The following MKLN1 variants were observed in gnomAD, a reference collection of about 807,000 sequenced individuals.
MKLN1 encodes the protein muskelin 1.
In MKLN1, 18 loss-of-function variants were observed where a neutral mutation model predicts 99.0. The ratio of observed to expected loss-of-function variants is 0.18; its 90% CI spans 0.13 to 0.27. The LOEUF is 0.27. Ranked by LOEUF, MKLN1 falls within the 10% of genes least tolerant of loss-of-function variation. MKLN1 has a pLI of 1.00. For missense variants in MKLN1, 621 were observed against 875.9 expected (o/e 0.71, Z 3.67); for synonymous variants, 288 against 293.2 (o/e 0.98, Z 0.18).
intron 2 of MKLN1, among the ~76,000 whole-genome samples, chr7:131,149,130 C>G (rs1011592386): frequency 1.3e-5 from 2 of 152,066 alleles, no homozygotes; most frequent in Non-Finnish European, 2.9e-5. Context: ...TTTGTTTTGC[C>G]ATTTATGGAG....
chr7:131,347,637 A>G (rs978422955), intron 1 of MKLN1, among the ~76,000 whole-genome samples: 2 of 152,208 alleles, frequency 1.3e-5, no homozygotes, highest in East Asian at 1.9e-4. Context: ...AAAAGAGTGA[A>G]TTTAGAGGTG....
chr7:131,324,018 A>G (rs1798835566), upstream of MKLN1: 3 of 152,206 alleles, frequency 2.0e-5, no homozygotes, highest in Non-Finnish European at 4.4e-5. Flanking sequence ...CCTAACTGCC[A>G]GTTCTTTCAC....
At chr7:131,456,380 T>C (rs1006442962) in intron 12 of MKLN1, among the ~76,000 whole-genome samples, 3 of 152,176 alleles carry the variant, frequency 2.0e-5, no homozygotes, top group African/African-American at 7.2e-5. Flanking sequence ...TTCCCCAGAA[T>C]CAACCCAGAG....
intron 3 of MKLN1, among the ~76,000 whole-genome samples, chr7:131,301,646 C>A (rs1798378701): frequency 6.6e-6 from 1 of 152,106 alleles, no homozygotes; most frequent in South Asian, 2.1e-4. Context: ...TAGCTCAGTT[C>A]ATTCCTTGTC....
intron 15 of MKLN1, among the ~76,000 whole-genome samples, chr7:131,468,107 G>A (rs1443209651): frequency 6.6e-6 from 1 of 152,198 alleles, no homozygotes; most frequent in African/African-American, 2.4e-5. Flanking sequence ...AAGAGATCAA[G>A]AAGGCATCTT....
At chr7:131,390,198 AG>A (rs1268741141) in intron 4 of MKLN1, among the ~76,000 whole-genome samples, 1 of 152,216 alleles carries the variant, frequency 6.6e-6, no homozygotes, top group Non-Finnish European at 1.5e-5. Flanking sequence ...ATTGGATTCC[AG>A]TATGTCACTT....
intron 5 of MKLN1, 107 bp from the exon 6 acceptor site, chr7:131,399,134 G>A (rs1206224634): frequency 1.1e-6 from 1 of 949,572 alleles, no homozygotes; most frequent in East Asian, 2.5e-5. Context: ...GGCACATAGT[G>A]TTAATAAATG....
At chr7:131,434,074 T>G (rs2116455669) in intron 9 of MKLN1, among the ~76,000 whole-genome samples, 1 of 152,072 alleles carries the variant, frequency 6.6e-6, no homozygotes, top group South Asian at 2.1e-4. Flanking sequence ...TTAGTAGAGA[T>G]GAGGTTTCAC....
In MKLN1 at chr7:131,399,255, A is replaced by G; in HGVS notation, c.525A>G (p.Glu175=). The G allele has an allele frequency of 6.2e-7, 1 of 1,613,924 alleles. No homozygotes were observed. The change falls in exon 6 of 18, where the codon GAA becomes GAG. Residue 175 remains glutamate, a synonymous_variant. Coordinates refer to ENST00000352689, the MANE Select transcript of MKLN1 (RefSeq NM_013255.5). ...TGTTCTAGTAGTACCGTGAACAGGA[A>G]GCTATTCGCCTTTGCCTAAAACACT... ...LNWYSKYREQ[E]AIRLCLKHFR... is the part of the protein sequence containing the mutation.
At position 131,489,241 on chromosome 7, in the gene MKLN1, G is replaced by A. The variant is rs1015498638; in HGVS notation, c.*1513G>A. The A allele has an allele frequency of 2.0e-5, 3 of 152,102 alleles. No homozygotes were observed. The highest frequency in any genetic ancestry group is 2.9e-5 in the Non-Finnish European group (2 of 68,008). The allele number at this position is 152,102 out of a possible 1,614,324, so 9.4% of individuals were successfully genotyped here. ...AGTACATGGTTTTACTTATTTTGGGGATGGATAGAAATATATTTTTGCTAG... is the reference window on the plus strand; with the variant it reads ...AGTACATGGTTTTACTTATTTTGGGAATGGATAGAAATATATTTTTGCTAG... On this transcript the variant is annotated 3_prime_UTR_variant, in exon 18 of 18. Transcript: ENST00000352689.
chr7:131,220,639 C>T (rs183754837), intron 3 of MKLN1, among the ~76,000 whole-genome samples: 77 of 152,254 alleles, frequency 5.1e-4, no homozygotes, highest in Middle Eastern at 6.8e-3. Context: ...AGCGTGACAT[C>T]ATGGGACAGG....
In MKLN1 at chr7:131,329,355, T is replaced by C. The variant is rs144495823; in HGVS notation, c.98+1358T>C. Among the ~76,000 whole-genome samples, 57 of 152,322 alleles carry C rather than the reference T, an allele frequency of 3.7e-4. No homozygotes were observed. The East Asian group carries it at 7.7e-3, about 21-fold the overall frequency. ...GTTTGATCTGGCCTGCGTAGCCTAT[T>C]CATGGCCATATCCCTGATTGATGCT... is the stretch of plus-strand genomic sequence containing the variant. On this transcript the variant is annotated intron_variant, in intron 1 of 17. Coordinates refer to ENST00000352689, the MANE Select transcript of MKLN1 (RefSeq NM_013255.5).
At chr7:131,407,359 G>A (rs985967146) in intron 6 of MKLN1, among the ~76,000 whole-genome samples, 3 of 151,804 alleles carry the variant, frequency 2.0e-5, no homozygotes, top group African/African-American at 4.8e-5. Flanking sequence ...AAGGTATTTG[G>A]CTACTTTCAT....
intron 2 of MKLN1, among the ~76,000 whole-genome samples, chr7:131,184,175 TTCACAGGCATGA>T (rs1796415552): frequency 6.6e-6 from 1 of 152,084 alleles, no homozygotes; most frequent in African/African-American, 2.4e-5. Flanking sequence ...TATGTGACTA[TTCACAGGCATGA>T]TCACAGGCAT....
At chr7:131,356,801 G>A (rs934167592) in intron 1 of MKLN1, among the ~76,000 whole-genome samples, 1 of 152,186 alleles carries the variant, frequency 6.6e-6, no homozygotes, top group African/African-American at 2.4e-5. Flanking sequence ...GCCGGTGGCA[G>A]ATACCCAAGT....
intron 2 of MKLN1, among the ~76,000 whole-genome samples, chr7:131,180,755 C>T (rs563613497): frequency 6.6e-6 from 1 of 151,432 alleles, no homozygotes; most frequent in Admixed American, 6.6e-5. Flanking sequence ...CAATGTCATT[C>T]TAATTTATTT....
chr7:131,317,765 C>CAAAAAAAAAA (rs146525048), intron 3 of MKLN1, among the ~76,000 whole-genome samples: 2 of 49,980 alleles, frequency 4.0e-5, no homozygotes, highest in Non-Finnish European at 4.1e-5. Flanking sequence ...AAATGGAAAG[C>CAAAAAAAAAA]AAAAAAAAAA....
intron 15 of MKLN1, among the ~76,000 whole-genome samples, chr7:131,469,800 A>G (rs1562882382): frequency 6.6e-6 from 1 of 152,166 alleles, no homozygotes; most frequent in South Asian, 2.1e-4. Flanking sequence ...TTTCAAATAG[A>G]TATATAGATA....
intron 17 of MKLN1, among the ~76,000 whole-genome samples, chr7:131,485,800 A>C (rs1797254611): frequency 6.6e-6 from 1 of 152,072 alleles, no homozygotes. Flanking sequence ...TTAAAGTCAA[A>C]GAGAGGCTGA....
Sources: gnomAD v4.1 joint callset for allele counts (sites outside exome capture counted in the v4.1 genomes callset) on GRCh38, gnomAD v4.1.1 for gene constraint, MANE v1.5 for transcripts, NCBI Gene and HGNC (gene_info 2026-07-23, HGNC 2026-07-21) for gene names.